TLK2: variants seen among roughly 807,000 people sequenced by gnomAD.
TLK2 encodes serine/threonine-protein kinase tousled-like 2.
Under a neutral mutation model 117.3 loss-of-function variants are expected in TLK2, and 6 were observed. The ratio of observed to expected loss-of-function variants is 0.05; its 90% CI spans 0.03 to 0.10. TLK2 has a LOEUF of 0.10. Among genes scored for constraint, TLK2 ranks in the 10% least tolerant of loss-of-function variants. The pLI, the probability that TLK2 is intolerant of heterozygous loss-of-function variation, is 1.00. For synonymous variants in TLK2, 257 were observed against 316.7 expected, an observed-to-expected ratio of 0.81 and a Z score of 2.00; for missense variants, 299 against 901.2, an observed-to-expected ratio of 0.33 and a Z score of 8.56.
intron 9 of TLK2, among the ~76,000 whole-genome samples, chr17:62,557,281 C>T (rs184485441): frequency 1.3e-5 from 2 of 152,178 alleles, no homozygotes; most frequent in East Asian, 1.9e-4. Flanking sequence ...TACTTTCTTA[C>T]CCCATCTTGT....
chr17:62,573,362 T>C lies in TLK2; in HGVS notation c.1116T>C (p.Asn372=). The stretch of plus-strand genomic sequence containing the variant: ...AAAGCAAGACCAATGGAGCTGAAAA[T>C]GAAACGTATGTTCTTTATTGACGTG... ...QRKSKTNGAE[N]ETLTLAEYHE... The change falls in exon 12 of 22, where the codon AAT becomes AAC. Residue 372 remains asparagine, a synonymous_variant. Transcript: ENST00000346027. 4 of 1,613,980 alleles carry C rather than the reference T, an allele frequency of 2.5e-6. No individual in the cohort carries two copies. Among genetic ancestry groups the C allele is most frequent in the Non-Finnish European group, 2.5e-6 (3 of 1,179,944 alleles).
intron 2 of TLK2, among the ~76,000 whole-genome samples, chr17:62,520,459 C>G (rs1355158028): frequency 6.6e-6 from 1 of 151,246 alleles, no homozygotes; most frequent in East Asian, 2.0e-4. Flanking sequence ...GGCAGATCAC[C>G]TGAGGTCAGG....
At chr17:62,596,343 G>A (rs1340306780) in intron 16 of TLK2, among the ~76,000 whole-genome samples, 1 of 152,174 alleles carries the variant, frequency 6.6e-6, no homozygotes, top group African/African-American at 2.4e-5. Context: ...CAAAGTGCTG[G>A]GATTACAGGC....
chr17:62,556,513 G>A (rs1219555077), intron 9 of TLK2, among the ~76,000 whole-genome samples: 2 of 152,180 alleles, frequency 1.3e-5, no homozygotes, highest in African/African-American at 4.8e-5. Context: ...AGACAACACT[G>A]TGTGCAGGAT....
chr17:62,590,219 G>A (rs530818668), intron 16 of TLK2, among the ~76,000 whole-genome samples: 1 of 151,004 alleles, frequency 6.6e-6, no homozygotes, highest in East Asian at 2.0e-4. Context: ...ATTGCCTGAG[G>A]TCAGGAGTTC....
intron 1 of TLK2, 134 bp from the exon 2 acceptor site, chr17:62,480,987 G>T: frequency 5.1e-6 from 4 of 791,696 alleles, no homozygotes; most frequent in Non-Finnish European, 8.2e-6. Context: ...TCTACCACTT[G>T]TATGCTATAT....
At chr17:62,544,228 T>C (rs2077742332) in intron 7 of TLK2, among the ~76,000 whole-genome samples, 1 of 152,204 alleles carries the variant, frequency 6.6e-6, no homozygotes, top group Non-Finnish European at 1.5e-5. Flanking sequence ...AAGAACTACC[T>C]GAGACTGGGT....
chr17:62,599,602 A>G (rs2147150140), intron 17 of TLK2, among the ~76,000 whole-genome samples: 1 of 152,176 alleles, frequency 6.6e-6, no homozygotes, highest in Middle Eastern at 3.4e-3. Context: ...TGGTTTCACC[A>G]TCTCCTCCCT....
intron 10 of TLK2, among the ~76,000 whole-genome samples, chr17:62,563,945 T>G (rs1445965540): frequency 6.6e-6 from 1 of 152,138 alleles, no homozygotes; most frequent in Non-Finnish European, 1.5e-5. Flanking sequence ...CATGGAAGAT[T>G]TGGAACATCA....
At chr17:62,574,130 T>C (rs2080549883) in intron 12 of TLK2, among the ~76,000 whole-genome samples, 3 of 152,192 alleles carry the variant, frequency 2.0e-5, no homozygotes, top group Non-Finnish European at 4.4e-5. Context: ...TTCATATTAG[T>C]TCACAAAAAC....
chr17:62,591,946 ATTCT>A (rs1416989316), intron 16 of TLK2, among the ~76,000 whole-genome samples: 4 of 150,346 alleles, frequency 2.7e-5, no homozygotes, highest in Non-Finnish European at 4.4e-5. Context: ...TAAGAACTAC[ATTCT>A]TTCTTCTTTT....
At chr17:62,491,928 A>G (rs1257200633) in intron 2 of TLK2, among the ~76,000 whole-genome samples, 1 of 152,174 alleles carries the variant, frequency 6.6e-6, no homozygotes, top group African/African-American at 2.4e-5. Flanking sequence ...AAAACTGCAT[A>G]TATTGCAAAG....
intron 7 of TLK2, among the ~76,000 whole-genome samples, chr17:62,547,028 A>ATC (rs2078001451): frequency 6.6e-6 from 1 of 152,094 alleles, no homozygotes; most frequent in African/African-American, 2.4e-5. Flanking sequence ...GCTACAGTAT[A>ATC]CTTTTGATCC....
At chr17:62,586,638 G>A (rs1342740134) in intron 16 of TLK2, among the ~76,000 whole-genome samples, 1 of 152,022 alleles carries the variant, frequency 6.6e-6, no homozygotes, top group African/African-American at 2.4e-5. Flanking sequence ...TGGCTAACAC[G>A]GTGAAACCCC....
Position 62,564,585 on chromosome 17 carries a change from G to A in TLK2, c.832-416G>A, listed in dbSNP as rs1452727984. On this transcript the variant is annotated intron_variant, in intron 10 of 21. Transcript: ENST00000346027. ...TATCCGGACGTGGTGGCATGCACCT[G>A]TAGTCCCAGCTACTCAGGAGACTGA... Among the ~76,000 whole-genome samples, 23 of 149,908 alleles carry A rather than the reference G, an allele frequency of 1.5e-4. No individual in the cohort carries two copies. The Admixed American group carries it at 1.5e-3, about 10-fold the overall frequency.
intron 2 of TLK2, among the ~76,000 whole-genome samples, chr17:62,502,644 T>C (rs1403998130): frequency 6.6e-6 from 1 of 152,188 alleles, no homozygotes; most frequent in Non-Finnish European, 1.5e-5. Context: ...TTAAGCAAGC[T>C]ATAAAAAAGC....
In TLK2 at chr17:62,597,445, C is replaced by T. The variant is rs182994637; in HGVS notation, c.1550+771C>T. Reference sequence around the variant, plus strand: ...AAATTCTTGAAAATTTAAGTCAGCTCTTGGAAACTGGCATGAGTTGGTGCC... The same window carrying T: ...AAATTCTTGAAAATTTAAGTCAGCTTTTGGAAACTGGCATGAGTTGGTGCC... On this transcript the variant is annotated intron_variant, in intron 17 of 21. Coordinates refer to ENST00000346027, the MANE Select transcript of TLK2 (RefSeq NM_006852.6). 5.9e-3 allele frequency among the ~76,000 whole-genome samples: 899 copies of T among 152,300 alleles called. 7 individuals carry two copies. The highest frequency in any genetic ancestry group is 0.02 in the African/African-American group (817 of 41,562).
At chr17:62,525,963 C>G (rs1254889746) in intron 6 of TLK2, among the ~76,000 whole-genome samples, 2 of 152,292 alleles carry the variant, frequency 1.3e-5, no homozygotes, top group East Asian at 1.9e-4. Context: ...TTGTCTATCA[C>G]TCTTTTCTTC....
chr17:62,478,675 GC>G, upstream of TLK2, among the ~76,000 whole-genome samples: 1 of 121,216 alleles, frequency 8.2e-6, no homozygotes, highest in Non-Finnish European at 1.8e-5. Context: ...GGGCGCCGGG[GC>G]AGCGGGGACC....
Sources: gnomAD v4.1 joint callset for allele counts (sites outside exome capture counted in the v4.1 genomes callset) on GRCh38, gnomAD v4.1.1 for gene constraint, MANE v1.5 for transcripts, NCBI Gene and HGNC (gene_info 2026-07-23, HGNC 2026-07-21) for gene names.